Variants in TGFBR3 observed in about 807,000 individuals in gnomAD.
TGFBR3 encodes the protein transforming growth factor beta receptor 3.
A neutral mutation model predicts 87.9 loss-of-function variants in TGFBR3; 46 were observed. The ratio of observed to expected loss-of-function variants is 0.52; its 90% CI spans 0.41 to 0.67. The LOEUF is 0.67. Ranked by LOEUF, TGFBR3 falls within the 30% of genes least tolerant of loss-of-function variation. TGFBR3 has a pLI of 0.00. For synonymous variants in TGFBR3, 381 were observed against 391.6 expected (o/e 0.97, Z 0.32); for missense variants, 866 against 1,041.9 (o/e 0.83, Z 2.32).
intron 2 of TGFBR3, among the ~76,000 whole-genome samples, chr1:91,854,537 CT>C (rs1218166300): frequency 6.6e-6 from 1 of 151,860 alleles, no homozygotes; most frequent in Non-Finnish European, 1.5e-5. Flanking sequence ...CTACAGCCCC[CT>C]ATAAAAATGT....
chr1:91,889,355 G>A (rs74101025), upstream of TGFBR3, among the ~76,000 whole-genome samples: 9,871 of 151,890 alleles, frequency 0.065, 367 homozygotes, highest in African/African-American at 0.1. Context: ...CACATCCACC[G>A]ACCTCAAAAC....
At chr1:91,875,161 G>A (rs1678733358) in intron 1 of TGFBR3, among the ~76,000 whole-genome samples, 3 of 152,122 alleles carry the variant, frequency 2.0e-5, no homozygotes, top group Admixed American at 6.6e-5. Flanking sequence ...CCTGCTCTGG[G>A]GAATCTGCCG....
At chr1:91,872,779 G>A (rs1366602291) in intron 1 of TGFBR3, among the ~76,000 whole-genome samples, 1 of 152,182 alleles carries the variant, frequency 6.6e-6, no homozygotes, top group East Asian at 1.9e-4. Context: ...ACCGCAGCAA[G>A]CCCATGCCTG....
At chr1:91,789,193 G>T (rs1207153490) in intron 3 of TGFBR3, among the ~76,000 whole-genome samples, 1 of 152,202 alleles carries the variant, frequency 6.6e-6, no homozygotes, top group Non-Finnish European at 1.5e-5. Flanking sequence ...TGTAGTCCCA[G>T]CTACTCAGGA....
At chr1:91,800,263 C>G (rs1356977953) in intron 2 of TGFBR3, among the ~76,000 whole-genome samples, 4 of 146,858 alleles carry the variant, frequency 2.7e-5, no homozygotes, top group Non-Finnish European at 6.0e-5. Flanking sequence ...TATACACACA[C>G]ACACACACAC....
At chr1:91,756,135 CCTGCCCA>C (rs11277313) in intron 4 of TGFBR3, among the ~76,000 whole-genome samples, 24,449 of 151,988 alleles carry the variant, frequency 0.16, 2,050 homozygotes, top group East Asian at 0.25. Flanking sequence ...GCCTCCATAA[CCTGCCCA>C]CTGTGGTAGC....
intron 3 of TGFBR3, among the ~76,000 whole-genome samples, chr1:91,780,883 C>CACA (rs1557706790): frequency 7.5e-5 from 8 of 107,214 alleles, no homozygotes; most frequent in African/African-American, 2.2e-4. Flanking sequence ...AACTAGAGAA[C>CACA]TACACACACA....
In TGFBR3 at chr1:91,793,435, T is replaced by C. The variant is rs184886528; in HGVS notation, c.246+3852A>G. On this transcript the variant is annotated intron_variant, in intron 3 of 16. Transcript: ENST00000212355. ...TCTTCAGTCATAGTCAATTACAGCT[T>C]GGAGCCAGCACGGTAATTGTTTTGC... Among the ~76,000 whole-genome samples, 38 of 152,296 alleles carry C rather than the reference T, an allele frequency of 2.5e-4. 1 individual carries two copies. Among genetic ancestry groups the C allele is most frequent in the Admixed American group, 1.8e-3 (27 of 15,298 alleles).
Position 91,760,386 on chromosome 1 carries a change from A to G in TGFBR3, c.247-1636T>C, listed in dbSNP as rs183637172. 1.1e-3 allele frequency among the ~76,000 whole-genome samples: 174 copies of G among 152,368 alleles called. 1 individual carries two copies. The highest frequency in any genetic ancestry group is 1.8e-3 in the Non-Finnish European group (120 of 68,040). ...AGCCCAGATCGTGCCACTGCACTCC[A>G]GCCTGGGCTACAGAGTGAGACTCTG... On this transcript the variant is annotated intron_variant, in intron 3 of 16. Transcript: ENST00000212355.
At chr1:91,900,539 G>GTAA (rs1679689963) in intron 1 of TGFBR3, among the ~76,000 whole-genome samples, 1 of 152,178 alleles carries the variant, frequency 6.6e-6, no homozygotes, top group African/African-American at 2.4e-5. Flanking sequence ...TATGCAAACT[G>GTAA]TAATTTCCTA....
In TGFBR3 at chr1:91,727,771, G is replaced by A; in HGVS notation, c.773C>T (p.Pro258Leu). The A allele has an allele frequency of 6.2e-7, 1 of 1,613,988 alleles. No homozygotes were observed. The highest frequency in any genetic ancestry group is 8.5e-7 in the Non-Finnish European group (1 of 1,179,978). Reference protein sequence around the residue: ...FQVDITIDIRPSQEDLEVVKN... With the variant: ...FQVDITIDIRLSQEDLEVVKN... ...GACCACTTCAAGATCCTCTTGAGAAGGTCTTATATCAATTGTTATATCCAC... is the reference window on the plus strand; with the variant it reads ...GACCACTTCAAGATCCTCTTGAGAAAGTCTTATATCAATTGTTATATCCAC... Residue 258 changes from proline (P) to leucine (L), a missense_variant, in exon 7 of 17, where the codon CCT (proline) becomes CTT (leucine). Physicochemically the swap from Pro to Leu is moderately conservative, Grantham distance 98. Transcript: ENST00000212355.
chr1:91,725,455 T>C (rs1672517535), intron 7 of TGFBR3, among the ~76,000 whole-genome samples: 1 of 152,204 alleles, frequency 6.6e-6, no homozygotes, highest in African/African-American at 2.4e-5. Context: ...TATTATCTTA[T>C]TTCTCTTCCA....
chr1:91,694,262 G>C (rs1228347291), intron 16 of TGFBR3, among the ~76,000 whole-genome samples: 1 of 152,166 alleles, frequency 6.6e-6, no homozygotes, highest in Non-Finnish European at 1.5e-5. Context: ...CAAAATGCTA[G>C]GATTATGAGA....
At chr1:91,864,567 C>A (rs913440100) in intron 1 of TGFBR3, among the ~76,000 whole-genome samples, 2 of 152,188 alleles carry the variant, frequency 1.3e-5, no homozygotes, top group South Asian at 2.1e-4. Context: ...AGAAAATAAA[C>A]TGCAGAAGGT....
At chr1:91,710,376 C>A (rs184352274) in intron 13 of TGFBR3, among the ~76,000 whole-genome samples, 1 of 152,122 alleles carries the variant, frequency 6.6e-6, no homozygotes, top group Non-Finnish European at 1.5e-5. Context: ...ATTTTGCTTT[C>A]CTGTTTTAGT....
intron 1 of TGFBR3, among the ~76,000 whole-genome samples, chr1:91,903,749 C>T (rs1170242118): frequency 6.6e-6 from 1 of 151,964 alleles, no homozygotes; most frequent in African/African-American, 2.4e-5. Flanking sequence ...ATTCCTGGCT[C>T]ATAGCAGGAA....
intron 16 of TGFBR3, among the ~76,000 whole-genome samples, chr1:91,689,186 G>C (rs1002369607): frequency 2.6e-5 from 4 of 152,064 alleles, no homozygotes; most frequent in Non-Finnish European, 4.4e-5. Flanking sequence ...TTCCATAAAA[G>C]GTTAATAGAA....
chr1:91,766,200 T>TTC (rs1306965220), intron 3 of TGFBR3, among the ~76,000 whole-genome samples: 6 of 143,556 alleles, frequency 4.2e-5, no homozygotes, highest in African/African-American at 1.5e-4. Flanking sequence ...TTTGTTTTCT[T>TTC]TTTTTTTTTT....
intron 1 of TGFBR3, among the ~76,000 whole-genome samples, chr1:91,873,792 CA>C (rs928656421): frequency 6.6e-6 from 1 of 151,634 alleles, no homozygotes; most frequent in Admixed American, 6.6e-5. Flanking sequence ...ACCAAAAATA[CA>C]AAAAAAATTG....
Sources: gnomAD v4.1 joint callset for allele counts (sites outside exome capture counted in the v4.1 genomes callset) on GRCh38, gnomAD v4.1.1 for gene constraint, MANE v1.5 for transcripts, NCBI Gene and HGNC (gene_info 2026-07-23, HGNC 2026-07-21) for gene names.